Variants in MITF observed in about 807,000 individuals in gnomAD.
MITF encodes the protein melanocyte inducing transcription factor.
In MITF, 17 loss-of-function variants were observed where a neutral mutation model predicts 60.5. That is an observed-to-expected ratio of 0.28 (90% confidence interval 0.19 to 0.42). The LOEUF (loss-of-function observed/expected upper bound fraction) is 0.42, where lower values mean the gene tolerates loss of function less well. Among genes scored for constraint, MITF ranks in the 10% least tolerant of loss-of-function variants. The probability of loss-of-function intolerance (pLI) is 1.00; values close to 1 mark genes in which losing one functional copy is unlikely to be tolerated. For missense variants in MITF, 622 were observed against 683.5 expected (o/e 0.91, Z 1.00); for synonymous variants, 260 against 248.5 (o/e 1.05, Z -0.43).
intron 1 of MITF, among the ~76,000 whole-genome samples, chr3:69,851,945 T>C (rs2063831317): frequency 6.6e-6 from 1 of 152,214 alleles, no homozygotes; most frequent in Non-Finnish European, 1.5e-5. Context: ...GGTGAGCTGC[T>C]ATAATGCAGT....
intron 2 of MITF, among the ~76,000 whole-genome samples, chr3:69,923,546 T>A (rs879747508): frequency 1.3e-5 from 2 of 152,188 alleles, no homozygotes; most frequent in African/African-American, 4.8e-5. Context: ...GGTTTCACCA[T>A]GTTGGCCTGA....
chr3:69,847,185 G>GT (rs1045686696), intron 1 of MITF, among the ~76,000 whole-genome samples: 2 of 152,188 alleles, frequency 1.3e-5, no homozygotes, highest in East Asian at 3.9e-4. Flanking sequence ...TGTTGTATCC[G>GT]TTTTTTTCCC....
chr3:69,754,731 T>C (rs1276480346), intron 1 of MITF, among the ~76,000 whole-genome samples: 3 of 151,994 alleles, frequency 2.0e-5, no homozygotes, highest in African/African-American at 7.3e-5. Context: ...CATAATAATA[T>C]GATCTAAGTG....
At chr3:69,824,412 G>T (rs2063323469) in intron 1 of MITF, among the ~76,000 whole-genome samples, 1 of 152,180 alleles carries the variant, frequency 6.6e-6, no homozygotes, top group Non-Finnish European at 1.5e-5. Context: ...GTTCTATGAT[G>T]ATTATCAATT....
intron 1 of MITF, chr3:69,758,580 T>C (rs979274785): frequency 1.0e-5 from 2 of 190,878 alleles, no homozygotes; most frequent in East Asian, 1.7e-4. Flanking sequence ...AAGCTTCTTA[T>C]GTATCAATAG....
At chr3:69,931,642 C>A (rs1287396330) in intron 2 of MITF, among the ~76,000 whole-genome samples, 2 of 152,044 alleles carry the variant, frequency 1.3e-5, no homozygotes, top group African/African-American at 4.8e-5. Context: ...ATTCAGAAGC[C>A]TACAATGTAA....
intron 1 of MITF, among the ~76,000 whole-genome samples, chr3:69,818,944 ACAAT>A (rs1357275155): frequency 6.6e-6 from 1 of 152,214 alleles, no homozygotes; most frequent in African/African-American, 2.4e-5. Context: ...GTGTATGGAA[ACAAT>A]CAAAGAGGAC....
intron 1 of MITF, among the ~76,000 whole-genome samples, chr3:69,844,990 TG>T (rs1288622072): frequency 6.6e-6 from 1 of 152,206 alleles, no homozygotes; most frequent in Non-Finnish European, 1.5e-5. Context: ...TTTACCTGCC[TG>T]GGCCCTGTAG....
At chr3:69,847,536 G>A (rs533439098) in intron 1 of MITF, among the ~76,000 whole-genome samples, 1 of 152,246 alleles carries the variant, frequency 6.6e-6, no homozygotes, top group East Asian at 1.9e-4. Context: ...GACTCCAGGG[G>A]TTGTATTTTT....
chr3:69,887,194 C>T (rs1428965528), intron 2 of MITF, among the ~76,000 whole-genome samples: 1 of 152,042 alleles, frequency 6.6e-6, no homozygotes, highest in African/African-American at 2.4e-5. Flanking sequence ...CATGAGTCTC[C>T]TTCACAAATA....
intron 1 of MITF, among the ~76,000 whole-genome samples, chr3:69,797,391 A>C (rs1042989075): frequency 6.6e-6 from 1 of 152,224 alleles, no homozygotes; most frequent in Non-Finnish European, 1.5e-5. Flanking sequence ...AAGATCATTT[A>C]TTAAATATTT....
At chr3:69,754,872 T>C (rs1424921531) in intron 1 of MITF, among the ~76,000 whole-genome samples, 1 of 152,158 alleles carries the variant, frequency 6.6e-6, no homozygotes, top group Non-Finnish European at 1.5e-5. Context: ...GAATTTCTAG[T>C]TTTAGACACC....
At position 69,965,000 on chromosome 3, in the gene MITF, A is replaced by G; in HGVS notation, c.1333A>G (p.Thr445Ala). Reference protein sequence around the residue: ...LLQHHADLTCTTTLDLTDGTI... With the variant: ...LLQHHADLTCATTLDLTDGTI... ...TCAGCATCATGCAGACCTAACCTGT[A>G]CAACAACTCTCGATCTCACGGATGG... Residue 445 changes from threonine to alanine, a missense_variant, in exon 10 of 10, where the codon ACA becomes GCA. Physicochemically the swap from Thr to Ala is moderately conservative, Grantham distance 58. Around this residue, in one of 5 missense-constraint regions of MITF, gnomAD observed 224 missense variants for 209.5 expected, o/e 1.07. Transcript: ENST00000352241. 2 of 1,614,134 alleles carry G rather than the reference A, an allele frequency of 1.2e-6. No individual in the cohort carries two copies. Among genetic ancestry groups the G allele is most frequent in the East Asian group, 2.2e-5 (1 of 44,862 alleles).
intron 1 of MITF, among the ~76,000 whole-genome samples, chr3:69,864,099 A>T (rs2064067338): frequency 6.6e-6 from 1 of 152,218 alleles, no homozygotes; most frequent in African/African-American, 2.4e-5. Flanking sequence ...AATGCTGAAC[A>T]CATTACTTGT....
intron 2 of MITF, among the ~76,000 whole-genome samples, chr3:69,930,143 A>G (rs1034499909): frequency 9.9e-5 from 15 of 152,172 alleles, no homozygotes; most frequent in Non-Finnish European, 1.5e-5. Context: ...GCAGTCCTCC[A>G]AACGGTGCCG....
intron 2 of MITF, among the ~76,000 whole-genome samples, chr3:69,904,196 C>T (rs189150440): frequency 5.5e-4 from 83 of 152,116 alleles, no homozygotes; most frequent in Non-Finnish European, 3.5e-4. Context: ...TTATTTAGTA[C>T]TTACTATCCA....
chr3:69,761,965 CCT>C (rs937974193), intron 1 of MITF, among the ~76,000 whole-genome samples: 1 of 151,938 alleles, frequency 6.6e-6, no homozygotes, highest in East Asian at 1.9e-4. Flanking sequence ...TCTCTTTTTC[CCT>C]CTCTCTTTTT....
chr3:69,876,588 G>A lies in MITF; in HGVS notation c.105-2546G>A, dbSNP rs562042605. ...TTATTTTAAGTGAGTTAGAATAATGGCCAAGTGCCCTTAATATGTGGATGA... is the reference window on the plus strand; with the variant it reads ...TTATTTTAAGTGAGTTAGAATAATGACCAAGTGCCCTTAATATGTGGATGA... On this transcript the variant is annotated intron_variant, in intron 1 of 9. Transcript: ENST00000352241. 3.3e-5 allele frequency among the ~76,000 whole-genome samples: 5 copies of A among 152,184 alleles called. No individual in the cohort carries two copies. The East Asian group carries it at 9.7e-4, about 29-fold the overall frequency.
chr3:69,890,509 A>T (rs1232088603), intron 2 of MITF, among the ~76,000 whole-genome samples: 1 of 152,146 alleles, frequency 6.6e-6, no homozygotes, highest in Non-Finnish European at 1.5e-5. Flanking sequence ...TTAATCATAC[A>T]TTGTTCTTTA....
Sources: gnomAD v4.1 joint callset for allele counts (sites outside exome capture counted in the v4.1 genomes callset) on GRCh38, gnomAD v4.1.1 for gene constraint, gnomAD v4.1.1 regional missense constraint, MANE v1.5 for transcripts, NCBI Gene and HGNC (gene_info 2026-07-23, HGNC 2026-07-21) for gene names.